ASAP1: variants seen among roughly 807,000 people sequenced by gnomAD.
The protein encoded by ASAP1 is ArfGAP with SH3 domain, ankyrin repeat and PH domain 1.
Under a neutral mutation model 145.2 loss-of-function variants are expected in ASAP1, and 43 were observed. That is an observed-to-expected ratio of 0.30 (90% CI 0.23 to 0.38). The LOEUF is 0.38. ASAP1 is among the 10% of genes least tolerant of loss of function. The pLI is 1.00. For synonymous variants in ASAP1, 546 were observed against 515.5 expected (o/e 1.06, Z -0.80); for missense variants, 1,018 against 1,355.3 (o/e 0.75, Z 3.91).
At position 130,123,972 on chromosome 8, in the gene ASAP1, T is replaced by C. The variant is rs752799257; in HGVS notation, c.1607+41A>G. On this transcript the variant is annotated intron_variant, in intron 18 of 29. Transcript: ENST00000518721. ...TTTTGGAAGGGTAGAAAAACAATTA[T>C]AGAATGGTTTAAAAAAGTTCAATAT... 8 of 1,442,842 alleles carry C rather than the reference T, an allele frequency of 5.5e-6. No individual in the cohort carries two copies. The East Asian group carries it at 6.8e-5, about 12-fold the overall frequency. The allele number at this position is 1,442,842 out of a possible 1,614,324, so 89.4% of individuals were successfully genotyped here.
At chr8:130,128,737 A>T (rs1395411545) in intron 15 of ASAP1, among the ~76,000 whole-genome samples, 3 of 152,212 alleles carry the variant, frequency 2.0e-5, no homozygotes, top group Non-Finnish European at 4.4e-5. Context: ...TTTGCTACTA[A>T]AATAACCTAG....
intron 18 of ASAP1, among the ~76,000 whole-genome samples, chr8:130,123,318 C>A (rs142385544): frequency 0.018 from 2,703 of 152,216 alleles, 70 homozygotes; most frequent in Admixed American, 0.063. Context: ...TGTCAGTTTC[C>A]CCACAGTCTT....
At chr8:130,225,805 A>G (rs1045209239) in intron 4 of ASAP1, among the ~76,000 whole-genome samples, 3 of 152,214 alleles carry the variant, frequency 2.0e-5, no homozygotes, top group African/African-American at 4.8e-5. Flanking sequence ...AGGTGGGCTG[A>G]GATACACAGA....
Position 130,054,793 on chromosome 8 carries a change from C to T in ASAP1, c.3328G>A (p.Glu1110Lys). The T allele has an allele frequency of 6.2e-7, 1 of 1,613,488 alleles. No homozygotes were observed. Among genetic ancestry groups the T allele is most frequent in the Non-Finnish European group, 8.5e-7 (1 of 1,179,546 alleles). ...ACCCCCTTCCTTTCAGGCTGTCCTT[C>T]GATGTGGCCAATCTGCAGGGAGAAA... ...EDQEWWIGHI[E>K]GQPERKGVFP... The change falls in exon 30 of 30, where the codon GAA becomes AAA. Residue 1110 changes from glutamate to lysine, a missense_variant. Around this residue, in one of 9 missense-constraint regions of ASAP1, gnomAD observed 62 missense variants for 97.8 expected, o/e 0.63. Coordinates refer to ENST00000518721, the MANE Select transcript of ASAP1 (RefSeq NM_018482.4).
rs200265381 is a variant in ASAP1 at position 130,414,019 on chromosome 8, G to GC, written c.-27-12050dup. On this transcript the variant is annotated intron_variant, in intron 1 of 29. Transcript: ENST00000518721. ...GGTGAATCGATGATTGCTGGTACCT[G>GC]CAAGAACAGAAGTTGCTATAAAGTA... 5.1e-3 allele frequency among the ~76,000 whole-genome samples: 778 copies of GC among 152,286 alleles called. 7 individuals are homozygous for GC. Among genetic ancestry groups the GC allele is most frequent in the African/African-American group, 0.017 (726 of 41,546 alleles).
chr8:130,152,714 G>A (rs1317568727), intron 13 of ASAP1, 22 bp downstream of exon 13: 1 of 1,586,738 alleles, frequency 6.3e-7, no homozygotes, highest in South Asian at 1.1e-5. Context: ...ATGAGGCAGG[G>A]TAAATTAAGA....
chr8:130,094,844 A>G (rs2097513839), intron 24 of ASAP1, among the ~76,000 whole-genome samples: 1 of 152,248 alleles, frequency 6.6e-6, no homozygotes, highest in Non-Finnish European at 1.5e-5. Flanking sequence ...ATAATAGACA[A>G]TGGTGAGGTT....
intron 28 of ASAP1, among the ~76,000 whole-genome samples, chr8:130,058,879 G>A (rs542039749): frequency 1.3e-5 from 2 of 152,180 alleles, no homozygotes; most frequent in Non-Finnish European, 2.9e-5. Context: ...GGGCCGTGCG[G>A]GTGGGTTGGA....
chr8:130,386,629 A>C (rs1167994674), intron 2 of ASAP1: 1 of 152,226 alleles, frequency 6.6e-6, no homozygotes, highest in Non-Finnish European at 1.5e-5. Flanking sequence ...AACTTCTGAC[A>C]ACTGTACCTC....
intron 4 of ASAP1, among the ~76,000 whole-genome samples, chr8:130,228,160 A>G (rs987847858): frequency 6.6e-6 from 1 of 152,170 alleles, no homozygotes; most frequent in African/African-American, 2.4e-5. Flanking sequence ...GAAACGAAGG[A>G]CTTGTTAAGA....
chr8:130,180,904 AT>A, intron 7 of ASAP1, 24 bp from the exon 8 acceptor site: 1 of 1,503,720 alleles, frequency 6.7e-7, no homozygotes, highest in Non-Finnish European at 8.8e-7. Flanking sequence ...CAATGTCATT[AT>A]TTAAAAAAAA....
chr8:130,054,560 A>C lies in ASAP1; in HGVS notation c.*171T>G, dbSNP rs1005398410. ...TCCGAGGCTACCCTCATACTGGTGA[A>C]GGCAGAAAACCACAGGATATTTACA... On this transcript the variant is annotated 3_prime_UTR_variant, in exon 30 of 30. Coordinates refer to ENST00000518721, the MANE Select transcript of ASAP1 (RefSeq NM_018482.4). 5.1e-6 allele frequency: 3 copies of C among 585,818 alleles called. No individual in the cohort carries two copies. The highest frequency in any genetic ancestry group is 9.3e-6 in the Non-Finnish European group (3 of 324,236). The allele number at this position is 585,818 out of a possible 1,614,324, so 36.3% of individuals were successfully genotyped here.
intron 3 of ASAP1, among the ~76,000 whole-genome samples, chr8:130,347,315 T>C (rs144811034): frequency 1.3e-5 from 2 of 152,176 alleles, no homozygotes; most frequent in African/African-American, 4.8e-5. Flanking sequence ...TCCTTCCAAG[T>C]ATCCCAAATG....
At chr8:130,442,799 A>G (rs1830530878) in intron 1 of ASAP1, among the ~76,000 whole-genome samples, 1 of 152,064 alleles carries the variant, frequency 6.6e-6, no homozygotes, top group Non-Finnish European at 1.5e-5. Context: ...AAAACCGGAC[A>G]CCGGCAAGTT....
At chr8:130,274,440 C>T (rs895801430) in intron 3 of ASAP1, among the ~76,000 whole-genome samples, 6 of 152,108 alleles carry the variant, frequency 3.9e-5, no homozygotes, top group Non-Finnish European at 7.4e-5. Flanking sequence ...TGGTAAAGAA[C>T]CAGGCTGAAG....
chr8:130,404,499 A>G (rs1042102543), intron 1 of ASAP1, among the ~76,000 whole-genome samples: 10 of 152,206 alleles, frequency 6.6e-5, no homozygotes, highest in African/African-American at 1.7e-4. Context: ...TGACCTCCAG[A>G]ACCCAACTTT....
intron 2 of ASAP1, among the ~76,000 whole-genome samples, chr8:130,369,504 T>C (rs981637055): frequency 1.1e-4 from 16 of 152,216 alleles, no homozygotes; most frequent in Non-Finnish European, 1.8e-4. Context: ...ATTCAAAATA[T>C]ATAAACTTTT....
chr8:130,137,042 G>A lies in ASAP1; in HGVS notation c.1081-4C>T, dbSNP rs1395619499. ...ACTTGGCTGGTTGCCTGTTAGACTG[G>A]AAAAAAAGAGAAAATGGAGAAGTTA... On this transcript the variant is annotated splice_polypyrimidine_tract_variant and splice_region_variant and intron_variant, in intron 13 of 29. Coordinates refer to ENST00000518721, the MANE Select transcript of ASAP1 (RefSeq NM_018482.4). The A allele has an allele frequency of 1.9e-6, 3 of 1,612,742 alleles. No individual in the cohort carries two copies. Among genetic ancestry groups the A allele is most frequent in the Non-Finnish European group, 2.5e-6 (3 of 1,178,726 alleles).
In ASAP1 at chr8:130,302,124, G is replaced by A. The variant is rs146139083; in HGVS notation, c.186+55893C>T. ...TAGTCTAACATTAGGTATAATATCT[G>A]CATGCATGCAAAGACTCATACATTC... On this transcript the variant is annotated intron_variant, in intron 3 of 29. Coordinates refer to ENST00000518721, the MANE Select transcript of ASAP1 (RefSeq NM_018482.4). Among the ~76,000 whole-genome samples the A allele has an allele frequency of 3.3e-5, 5 of 152,344 alleles. No individual in the cohort carries two copies. In the East Asian group the frequency reaches 9.6e-4, roughly 29 times the overall value.
Sources: allele counts gnomAD v4.1 joint callset (sites outside exome capture counted in the v4.1 genomes callset), GRCh38; gene constraint gnomAD v4.1.1; regional missense constraint gnomAD v4.1.1; transcripts MANE v1.5; gene names NCBI Gene and HGNC (gene_info 2026-07-23, HGNC 2026-07-21).